The following MED27 variants were observed in gnomAD, a reference collection of about 807,000 sequenced individuals.
MED27 encodes the protein mediator of RNA polymerase II transcription subunit 27.
A neutral mutation model predicts 38.2 loss-of-function variants in MED27; 30 were observed. That is an observed-to-expected ratio of 0.79 (90% confidence interval 0.59 to 1.07). The LOEUF is 1.07. MED27 is among the 50% of genes least tolerant of loss of function. The probability of loss-of-function intolerance (pLI) is 0.00; values close to 1 mark genes in which losing one functional copy is unlikely to be tolerated. For missense variants in MED27, 289 were observed against 397.5 expected, an observed-to-expected ratio of 0.73 and a Z score of 2.32; for synonymous variants, 122 against 153.5, an observed-to-expected ratio of 0.79 and a Z score of 1.52.
intron 3 of MED27, among the ~76,000 whole-genome samples, chr9:132,009,597 C>T (rs1323490687): frequency 6.6e-6 from 1 of 152,222 alleles, no homozygotes; most frequent in Non-Finnish European, 1.5e-5. Flanking sequence ...ACTTGCCTGC[C>T]ATGTGAGTGA....
At chr9:131,892,509 C>T (rs899005276) in intron 5 of MED27, among the ~76,000 whole-genome samples, 3 of 152,190 alleles carry the variant, frequency 2.0e-5, no homozygotes, top group South Asian at 2.1e-4. Flanking sequence ...TCTAGTAGCA[C>T]GGTCCTGATT....
chr9:131,990,505 G>A (rs1346465478), intron 3 of MED27, among the ~76,000 whole-genome samples: 2 of 152,218 alleles, frequency 1.3e-5, no homozygotes, highest in Non-Finnish European at 2.9e-5. Flanking sequence ...GTGCCTGGAG[G>A]AGTACTCAGA....
At chr9:132,019,895 T>C (rs762500414) in intron 2 of MED27, among the ~76,000 whole-genome samples, 3 of 152,196 alleles carry the variant, frequency 2.0e-5, no homozygotes, top group Admixed American at 1.3e-4. Context: ...CTTGTCATGA[T>C]AGAACTCTTC....
At chr9:132,021,203 G>A (rs1411315531) in intron 2 of MED27, among the ~76,000 whole-genome samples, 1 of 152,158 alleles carries the variant, frequency 6.6e-6, no homozygotes, top group African/African-American at 2.4e-5. Flanking sequence ...AATGGTTAGG[G>A]TTGTTTAGAT....
Position 132,051,888 on chromosome 9 carries a change from G to C in MED27, c.348+25554C>G, listed in dbSNP as rs1833472274. Among the ~76,000 whole-genome samples the C allele has an allele frequency of 6.6e-6, 1 of 152,108 alleles. No individual in the cohort carries two copies. The highest frequency in any genetic ancestry group is 1.5e-5 in the Non-Finnish European group (1 of 68,018). ...TGGACGAGACTGAGGTGCCAAAACA[G>C]GTCCCTTTCCTTGCCATTTTAACTA... On this transcript the variant is annotated intron_variant, in intron 2 of 7. Coordinates refer to ENST00000292035, the MANE Select transcript of MED27 (RefSeq NM_004269.4). The surrounding 1 kb of genome is among the most constrained non-coding windows in gnomAD (Gnocchi z 4.2).
intron 3 of MED27, among the ~76,000 whole-genome samples, chr9:132,012,831 C>T (rs1327304381): frequency 6.6e-6 from 1 of 152,160 alleles, no homozygotes; most frequent in Non-Finnish European, 1.5e-5. Flanking sequence ...AAAGATGGGA[C>T]AATGTCTGTC....
At chr9:131,986,223 T>C (rs574623395) in intron 3 of MED27, among the ~76,000 whole-genome samples, 7 of 152,330 alleles carry the variant, frequency 4.6e-5, no homozygotes, top group East Asian at 3.9e-4. Context: ...CAGCAGTGTA[T>C]AGTAATGCCC....
At chr9:132,072,439 T>C (rs1833961100) in intron 2 of MED27, among the ~76,000 whole-genome samples, 1 of 152,156 alleles carries the variant, frequency 6.6e-6, no homozygotes, top group South Asian at 2.1e-4. Flanking sequence ...TTTATATTTT[T>C]GTTATACCTT....
intron 2 of MED27, among the ~76,000 whole-genome samples, chr9:132,058,544 G>C (rs575900937): frequency 2.1e-3 from 318 of 152,332 alleles, no homozygotes; most frequent in Non-Finnish European, 3.7e-3. Context: ...ATGTGAAGAA[G>C]GACATGTTTG....
At chr9:131,900,850 T>C (rs1438442026) in intron 4 of MED27, among the ~76,000 whole-genome samples, 1 of 152,020 alleles carries the variant, frequency 6.6e-6, no homozygotes, top group African/African-American at 2.4e-5. Flanking sequence ...AAAAGTCTGA[T>C]ATGTAGGCGC....
chr9:132,036,687 G>A (rs774647254), intron 2 of MED27, among the ~76,000 whole-genome samples: 22 of 152,098 alleles, frequency 1.4e-4, no homozygotes, highest in Non-Finnish European at 1.2e-4. Flanking sequence ...CTATGCATAC[G>A]TTTCATAGGG....
chr9:131,894,329 G>A (rs765715187), intron 4 of MED27, among the ~76,000 whole-genome samples: 4 of 152,160 alleles, frequency 2.6e-5, no homozygotes, highest in African/African-American at 4.8e-5. Context: ...CAAAGGCGAG[G>A]ATTCTACAAT....
chr9:131,997,836 T>C lies in MED27; in HGVS notation c.479+16501A>G, dbSNP rs1304446161. On this transcript the variant is annotated intron_variant, in intron 3 of 7. Coordinates refer to ENST00000292035, the MANE Select transcript of MED27 (RefSeq NM_004269.4). The surrounding 1 kb of genome is among the most constrained non-coding windows in gnomAD (Gnocchi z 4.0). ...CTCAAAGGACAGCGTTCAAACTACA[T>C]GAGTGCTCTATGCGGTGGCTTTCAT... Among the ~76,000 whole-genome samples, 2 of 152,240 alleles carry C rather than the reference T, an allele frequency of 1.3e-5. No individual in the cohort carries two copies. Among genetic ancestry groups the C allele is most frequent in the Non-Finnish European group, 2.9e-5 (2 of 68,044 alleles).
chr9:132,035,958 C>T (rs1833066676), intron 2 of MED27, among the ~76,000 whole-genome samples: 1 of 151,954 alleles, frequency 6.6e-6, no homozygotes. Flanking sequence ...AGAGCAAGAC[C>T]CTGTCTCTAA....
Position 131,939,487 on chromosome 9 carries a change from A to C in MED27, c.480-13T>G. Reference sequence around the variant, plus strand: ...ATCATCAACATATCTACATGGGAAAAAAATAAACATGTGTGAACTACAACT... The same window carrying C: ...ATCATCAACATATCTACATGGGAAACAAATAAACATGTGTGAACTACAACT... On this transcript the variant is annotated splice_polypyrimidine_tract_variant and intron_variant, in intron 3 of 7. Coordinates refer to ENST00000292035, the MANE Select transcript of MED27 (RefSeq NM_004269.4). The C allele has an allele frequency of 6.4e-7, 1 of 1,573,590 alleles. No individual in the cohort carries two copies. The highest frequency in any genetic ancestry group is 8.7e-7 in the Non-Finnish European group (1 of 1,153,242).
Position 132,014,469 on chromosome 9 carries a change from T to C in MED27, c.349-2A>G. ...TGCTAGTCCTGCATGGTACTGCAAC[T>C]GCAGAGAAAAACAAAACAAAAGGGG... is the stretch of plus-strand genomic sequence containing the variant. On this transcript the variant is annotated splice_acceptor_variant, in intron 2 of 7. Coordinates refer to ENST00000292035, the MANE Select transcript of MED27 (RefSeq NM_004269.4). LOFTEE classifies it high-confidence loss of function. 1 of 1,610,480 alleles carries C rather than the reference T, an allele frequency of 6.2e-7. No homozygotes were observed. Among genetic ancestry groups the C allele is most frequent in the Non-Finnish European group, 8.5e-7 (1 of 1,178,612 alleles).
At chr9:131,885,703 T>C (rs1285514555) in intron 5 of MED27, among the ~76,000 whole-genome samples, 2 of 152,168 alleles carry the variant, frequency 1.3e-5, no homozygotes, top group African/African-American at 4.8e-5. Context: ...ACCAAATCAA[T>C]CCCTTCTGTT....
chr9:132,031,609 C>T (rs1231810645), intron 2 of MED27, among the ~76,000 whole-genome samples: 1 of 152,084 alleles, frequency 6.6e-6, no homozygotes, highest in Non-Finnish European at 1.5e-5. Flanking sequence ...AGTTACAGTC[C>T]AGCCTGACCC....
At chr9:131,947,984 G>A (rs1415090976) in intron 3 of MED27, among the ~76,000 whole-genome samples, 1 of 152,150 alleles carries the variant, frequency 6.6e-6, no homozygotes, top group Non-Finnish European at 1.5e-5. Flanking sequence ...AGAGGCCTTT[G>A]ACAGTGGGTG....
Sources: gnomAD v4.1 joint callset for allele counts (sites outside exome capture counted in the v4.1 genomes callset) on GRCh38, gnomAD v4.1.1 for gene constraint, Gnocchi (gnomAD v3.1) non-coding constraint, MANE v1.5 for transcripts, NCBI Gene and HGNC (gene_info 2026-07-23, HGNC 2026-07-21) for gene names.